Variants in FOXJ1 observed in about 807,000 individuals in gnomAD.
FOXJ1 encodes forkhead box J1, also known as forkhead box protein J1.
In FOXJ1, 8 loss-of-function variants were observed where a neutral mutation model predicts 29.3. That is an observed-to-expected ratio of 0.27 (90% CI 0.16 to 0.49). The LOEUF (loss-of-function observed/expected upper bound fraction) is 0.49, where lower values mean the gene tolerates loss of function less well. Ranked by LOEUF, FOXJ1 falls within the 20% of genes least tolerant of loss-of-function variation. The pLI, the probability that FOXJ1 is intolerant of heterozygous loss-of-function variation, is 0.98. For synonymous variants in FOXJ1, 280 were observed against 278.7 expected, an observed-to-expected ratio of 1.00 and a Z score of -0.05; for missense variants, 539 against 595.5, an observed-to-expected ratio of 0.91 and a Z score of 0.99.
At position 76,140,458 on chromosome 17, in the gene FOXJ1, G is replaced by A; in HGVS notation, c.-63C>T. The A allele has an allele frequency of 4.5e-6, 6 of 1,338,912 alleles. No homozygotes were observed. Among genetic ancestry groups the A allele is most frequent in the Admixed American group, 3.9e-5 (1 of 25,854 alleles). The allele number at this position is 1,338,912 out of a possible 1,614,324, so 82.9% of individuals were successfully genotyped here. A position where few individuals can be genotyped will look rare whatever the true frequency, so the allele number is the denominator to read the frequency against. On this transcript the variant is annotated 5_prime_UTR_variant, in exon 2 of 3. Transcript: ENST00000322957. The surrounding 1 kb of genome is among the most constrained non-coding windows in gnomAD (Gnocchi z 8.0). ...CGGGCTGAGCCGGGGGTGGCCCGCC[G>A]CGCTCTCTGGCCCGCTGAGTCCCGC...
In FOXJ1 at chr17:76,140,117, C is replaced by T. The variant is rs375734395; in HGVS notation, c.279G>A (p.Ser93=). The T allele has an allele frequency of 8.5e-5, 136 of 1,590,782 alleles. 1 individual carries two copies. The highest frequency in any genetic ancestry group is 1.0e-4 in the Non-Finnish European group (122 of 1,174,984). Residue 93 remains serine, a synonymous_variant, in exon 2 of 3, where the codon TCG becomes TCA. Transcript: ENST00000322957. This position sits in a 1 kb window ranked among gnomAD's most constrained non-coding sequence, Gnocchi z 8.0. ...GQPHTPGKPT[S]SCTSRSAPPG... Reference sequence around the variant, plus strand: ...GGGGCGCGCTCCGCGACGTGCACGACGACGTGGGCTTGCCCGGCGTGTGTG... The same window carrying T: ...GGGGCGCGCTCCGCGACGTGCACGATGACGTGGGCTTGCCCGGCGTGTGTG...
chr17:76,138,829 A>C (rs902878612), intron 2 of FOXJ1, among the ~76,000 whole-genome samples: 2 of 151,906 alleles, frequency 1.3e-5, no homozygotes, highest in Non-Finnish European at 2.9e-5. Context: ...GCTGCAAATG[A>C]CCCTGCTCTA....
In FOXJ1 at chr17:76,137,655, C is replaced by T. The variant is rs756020281; in HGVS notation, c.964G>A (p.Gly322Arg). The T allele has an allele frequency of 1.1e-4, 174 of 1,610,228 alleles. No individual in the cohort carries two copies. The highest frequency in any genetic ancestry group is 1.4e-4 in the Non-Finnish European group (161 of 1,178,848). ...EAIFDAGTLG[G>R]ELGALEALEL... ...AGGGCCTCCAGTGCACCCAGCTCCC[C>T]GCCCAGAGTGCCGGCGTCGAAGATG... The change falls in exon 3 of 3, where the codon GGG (glycine) becomes AGG (arginine). Residue 322 changes from glycine to arginine, a missense_variant. Physicochemically the swap from Gly to Arg is moderately radical, Grantham distance 125 (BLOSUM62 -2). This residue lies in a region of FOXJ1 where 302 missense variants were observed against 293.6 expected (regional missense o/e 1.03). Coordinates refer to ENST00000322957, the MANE Select transcript of FOXJ1 (RefSeq NM_001454.4). This position sits in a 1 kb window ranked among gnomAD's most constrained non-coding sequence, Gnocchi z 9.5.
chr17:76,141,042 G>A lies in FOXJ1; in HGVS notation c.-170+72C>T, dbSNP rs2144767076. The stretch of plus-strand genomic sequence containing the variant: ...TCCCTGGGCCCACCACTTCCGTTAA[G>A]GACGAATGAGAGAGCGGGTTGGTAC... On this transcript the variant is annotated intron_variant, in intron 1 of 2. Transcript: ENST00000322957. This position sits in a 1 kb window ranked among gnomAD's most constrained non-coding sequence, Gnocchi z 4.2. 6.6e-6 allele frequency: 1 copy of A among 152,586 alleles called. No homozygotes were observed. The highest frequency in any genetic ancestry group is 2.1e-4 in the South Asian group (1 of 4,844). The allele number at this position is 152,586 out of a possible 1,614,324, so 9.5% of individuals were successfully genotyped here.
intron 2 of FOXJ1, among the ~76,000 whole-genome samples, chr17:76,138,410 C>A (rs1324116597): frequency 6.6e-6 from 1 of 152,092 alleles, no homozygotes; most frequent in African/African-American, 2.4e-5. Flanking sequence ...CCACCCCCGT[C>A]GCCTGCCCTC....
In FOXJ1 at chr17:76,140,537, G is replaced by A; in HGVS notation, c.-142C>T. Reference sequence around the variant, plus strand: ...GCGCTTCCATCTCGCGACCCCGGGGGCGCCTCCTCCGAATAAGTATGTGGT... The same window carrying A: ...GCGCTTCCATCTCGCGACCCCGGGGACGCCTCCTCCGAATAAGTATGTGGT... On this transcript the variant is annotated 5_prime_UTR_variant, in exon 2 of 3. Transcript: ENST00000322957. The surrounding 1 kb of genome is among the most constrained non-coding windows in gnomAD (Gnocchi z 8.0). The A allele has an allele frequency of 1.4e-6, 1 of 739,802 alleles. No homozygotes were observed. The highest frequency in any genetic ancestry group is 2.2e-5 in the South Asian group (1 of 44,696). 45.8% of individuals were successfully genotyped at this position (739,802 alleles called of 1,614,324 possible).
chr17:76,140,743 T>G lies in FOXJ1; in HGVS notation c.-169-179A>C. ...CCATCAGATCTGCCTCCCTCTTCCT[T>G]TCCTCTTCGAGGTTTTATTAGCCAA... On this transcript the variant is annotated intron_variant, in intron 1 of 2. Coordinates refer to ENST00000322957, the MANE Select transcript of FOXJ1 (RefSeq NM_001454.4). This position sits in a 1 kb window ranked among gnomAD's most constrained non-coding sequence, Gnocchi z 8.0. 2 of 245,368 alleles carry G rather than the reference T, an allele frequency of 8.2e-6. No homozygotes were observed. The highest frequency in any genetic ancestry group is 7.8e-6 in the Non-Finnish European group (1 of 128,848). The allele number at this position is 245,368 out of a possible 1,614,324, so 15.2% of individuals were successfully genotyped here. A position where few individuals can be genotyped will look rare whatever the true frequency, so the allele number is the denominator to read the frequency against.
At position 76,139,832 on chromosome 17, in the gene FOXJ1, T is replaced by G; in HGVS notation, c.498+66A>C. On this transcript the variant is annotated intron_variant, in intron 2 of 2. Coordinates refer to ENST00000322957, the MANE Select transcript of FOXJ1 (RefSeq NM_001454.4). The surrounding 1 kb of genome is among the most constrained non-coding windows in gnomAD (Gnocchi z 6.6). ...TTGGCCTGCAGATTTGGGATATGAA[T>G]CCAGTGCAGCGTGGGGAGCGAGGAG... is the stretch of plus-strand genomic sequence containing the variant. The G allele has an allele frequency of 6.6e-7, 1 of 1,523,006 alleles. No individual in the cohort carries two copies. The highest frequency in any genetic ancestry group is 8.9e-7 in the Non-Finnish European group (1 of 1,125,600). 94.3% of individuals were successfully genotyped at this position (1,523,006 alleles called of 1,614,324 possible).
rs181143622 is a variant in FOXJ1, at chr17:76,137,887, A to G, written c.732T>C (p.Asn244=). Residue 244 remains asparagine, a synonymous_variant, in exon 3 of 3, where the codon AAT becomes AAC. Coordinates refer to ENST00000322957, the MANE Select transcript of FOXJ1 (RefSeq NM_001454.4). The surrounding 1 kb of genome is among the most constrained non-coding windows in gnomAD (Gnocchi z 9.5). ...AVPRAGPLTV[N]TEAQQLLREF... ...CCCGCAGCAGCTGCTGGGCCTCGGT[A>G]TTCACCGTCAGCGGCCCGGCCCGGG... 2,988 of 1,576,468 alleles carry G rather than the reference A, an allele frequency of 1.9e-3. 6 individuals are homozygous for G. The highest frequency in any genetic ancestry group is 2.4e-3 in the Non-Finnish European group (2,782 of 1,161,116).
Position 76,140,171 on chromosome 17 carries a change from C to G in FOXJ1, c.225G>C (p.Leu75=). The part of the protein sequence containing the change: ...VPGSAAPGSP[L]AADPACLGQP... ...GCCCCAGGCAGGCGGGGTCGGCCGC[C>G]AGGGGGGACCCGGGCGCCGCTGAAC... Residue 75 remains leucine, a synonymous_variant, in exon 2 of 3, where the codon CTG becomes CTC. Coordinates refer to ENST00000322957, the MANE Select transcript of FOXJ1 (RefSeq NM_001454.4). This position sits in a 1 kb window ranked among gnomAD's most constrained non-coding sequence, Gnocchi z 8.0. 1 of 1,465,080 alleles carries G rather than the reference C, an allele frequency of 6.8e-7. No homozygotes were observed. Among genetic ancestry groups the G allele is most frequent in the Non-Finnish European group, 8.9e-7 (1 of 1,121,222 alleles). 90.8% of individuals were successfully genotyped at this position (1,465,080 alleles called of 1,614,324 possible).
In FOXJ1 at chr17:76,140,230, C is replaced by T. The variant is rs1470674143; in HGVS notation, c.166G>A (p.Gly56Ser). Residue 56 changes from glycine (G) to serine (S), a missense_variant, in exon 2 of 3, where the codon GGC becomes AGC. By Grantham distance (56) the Gly-to-Ser change is moderately conservative. Transcript: ENST00000322957. The surrounding 1 kb of genome is among the most constrained non-coding windows in gnomAD (Gnocchi z 8.0). ...NAKAPALPPGGTDPHGYHQVP... is the reference protein window; with the variant it reads ...NAKAPALPPGSTDPHGYHQVP... ...TGGTGGTAGCCGTGGGGGTCGGTGC[C>T]CCCCGGGGGCAGGGCGGGGGCCTTG... is the stretch of plus-strand genomic sequence containing the variant. 14 of 1,455,850 alleles carry T rather than the reference C, an allele frequency of 9.6e-6. No homozygotes were observed. The highest frequency in any genetic ancestry group is 2.6e-5 in the East Asian group (1 of 37,998). The allele number at this position is 1,455,850 out of a possible 1,614,324, so 90.2% of individuals were successfully genotyped here.
Position 76,137,150 on chromosome 17 carries a change from T to G in FOXJ1, c.*203A>C. The G allele has an allele frequency of 2.1e-6, 1 of 476,036 alleles. No homozygotes were observed. The highest frequency in any genetic ancestry group is 3.7e-6 in the Non-Finnish European group (1 of 273,494). 29.5% of individuals were successfully genotyped at this position (476,036 alleles called of 1,614,324 possible). ...TGGGGCTGGGGAGAGGAGGCAGCGATTCTGGTCCTGGGCCCTCGTTTTCAG... is the reference window on the plus strand; with the variant it reads ...TGGGGCTGGGGAGAGGAGGCAGCGAGTCTGGTCCTGGGCCCTCGTTTTCAG... On this transcript the variant is annotated 3_prime_UTR_variant, in exon 3 of 3. Coordinates refer to ENST00000322957, the MANE Select transcript of FOXJ1 (RefSeq NM_001454.4). The surrounding 1 kb of genome is among the most constrained non-coding windows in gnomAD (Gnocchi z 9.5).
Position 76,139,757 on chromosome 17 carries a change from C to G in FOXJ1, c.498+141G>C, listed in dbSNP as rs951850782. Reference sequence around the variant, plus strand: ...AGGAGGGGCAGTTGCAAGAACTGGGCTCCTTTGCAGGGCTCCCTTCTGGGG... The same window carrying G: ...AGGAGGGGCAGTTGCAAGAACTGGGGTCCTTTGCAGGGCTCCCTTCTGGGG... On this transcript the variant is annotated intron_variant, in intron 2 of 2. Transcript: ENST00000322957. This position sits in a 1 kb window ranked among gnomAD's most constrained non-coding sequence, Gnocchi z 6.6. 3 of 811,684 alleles carry G rather than the reference C, an allele frequency of 3.7e-6. No individual in the cohort carries two copies. Among genetic ancestry groups the G allele is most frequent in the East Asian group, 2.7e-5 (1 of 37,014 alleles). The allele number at this position is 811,684 out of a possible 1,614,324, so 50.3% of individuals were successfully genotyped here.
chr17:76,137,325 G>A lies in FOXJ1; in HGVS notation c.*28C>T. ...AGTTCTGGACCCTGACTTGGGCACT[G>A]TCCAGAGGTGGGGCAGGGCCTGGCC... On this transcript the variant is annotated 3_prime_UTR_variant, in exon 3 of 3. Transcript: ENST00000322957. This position sits in a 1 kb window ranked among gnomAD's most constrained non-coding sequence, Gnocchi z 9.5. 2 of 1,462,894 alleles carry A rather than the reference G, an allele frequency of 1.4e-6. No individual in the cohort carries two copies. Among genetic ancestry groups the A allele is most frequent in the Admixed American group, 2.4e-5 (1 of 42,364 alleles). The allele number at this position is 1,462,894 out of a possible 1,614,324, so 90.6% of individuals were successfully genotyped here.
In FOXJ1 at chr17:76,139,982, C is replaced by T; in HGVS notation, c.414G>A (p.Lys138=). The part of the protein sequence containing the change: ...TLICMAMQAS[K]ATKITLSAIY... ...TGGCCGACAGGGTGATCTTGGTGGC[C>T]TTGCTGGCCTGCATGGCCATGCAGA... Residue 138 remains lysine, a synonymous_variant, in exon 2 of 3, where the codon AAG becomes AAA. Coordinates refer to ENST00000322957, the MANE Select transcript of FOXJ1 (RefSeq NM_001454.4). This position sits in a 1 kb window ranked among gnomAD's most constrained non-coding sequence, Gnocchi z 6.6. 1 of 1,613,784 alleles carries T rather than the reference C, an allele frequency of 6.2e-7. No individual in the cohort carries two copies. Among genetic ancestry groups the T allele is most frequent in the Non-Finnish European group, 8.5e-7 (1 of 1,179,960 alleles).
chr17:76,137,466 G>A lies in FOXJ1; in HGVS notation c.1153C>T (p.Pro385Ser). The A allele has an allele frequency of 6.4e-7, 1 of 1,566,624 alleles. No homozygotes were observed. Among genetic ancestry groups the A allele is most frequent in the Non-Finnish European group, 8.6e-7 (1 of 1,158,192 alleles). ...TFLATSFLQH[P>S]WDESGSGCLP... ...CAGCCACTGCCGCTCTCGTCCCAGG[G>A]GTGCTGCAGGAAGGATGTGGCCAGG... The change falls in exon 3 of 3, where the codon CCC becomes TCC. Residue 385 changes from proline (P) to serine (S), a missense_variant. This residue lies in a region of FOXJ1 where 302 missense variants were observed against 293.6 expected (regional missense o/e 1.03). Transcript: ENST00000322957. This position sits in a 1 kb window ranked among gnomAD's most constrained non-coding sequence, Gnocchi z 9.5.
In FOXJ1 at chr17:76,139,670, C is replaced by A. The variant is rs1040416426; in HGVS notation, c.498+228G>T. On this transcript the variant is annotated intron_variant, in intron 2 of 2. Transcript: ENST00000322957. This position sits in a 1 kb window ranked among gnomAD's most constrained non-coding sequence, Gnocchi z 6.6. ...TTCCCCTTGAATCTCAGCCTCTGCA[C>A]CCCTAAAGCCCTCCACCTCTGGACA... 2.6e-5 allele frequency among the ~76,000 whole-genome samples: 4 copies of A among 152,196 alleles called. No individual in the cohort carries two copies. Among genetic ancestry groups the A allele is most frequent in the Admixed American group, 6.5e-5 (1 of 15,284 alleles).
In FOXJ1 at chr17:76,140,408, T is replaced by C. The variant is rs1170782120; in HGVS notation, c.-13A>G. On this transcript the variant is annotated 5_prime_UTR_variant, in exon 2 of 3. Coordinates refer to ENST00000322957, the MANE Select transcript of FOXJ1 (RefSeq NM_001454.4). The surrounding 1 kb of genome is among the most constrained non-coding windows in gnomAD (Gnocchi z 8.0). ...AGCTCTCCGCCATGTCTGCGGGGAC[T>C]CTCCGAGGGGGCGGTCAGCATCCAC... 5.6e-6 allele frequency: 8 copies of C among 1,430,242 alleles called. No individual in the cohort carries two copies. The highest frequency in any genetic ancestry group is 7.3e-6 in the Non-Finnish European group (8 of 1,102,706). The allele number at this position is 1,430,242 out of a possible 1,614,324, so 88.6% of individuals were successfully genotyped here.
In FOXJ1 at chr17:76,137,354, T is replaced by C; in HGVS notation, c.1265A>G (p.Ter422=). 2 of 1,483,270 alleles carry C rather than the reference T, an allele frequency of 1.3e-6. No homozygotes were observed. The highest frequency in any genetic ancestry group is 1.8e-6 in the Non-Finnish European group (2 of 1,118,744). 91.9% of individuals were successfully genotyped at this position (1,483,270 alleles called of 1,614,324 possible). A position where few individuals can be genotyped will look rare whatever the true frequency, so the allele number is the denominator to read the frequency against. The change falls in exon 3 of 3, where the codon TAA becomes TGA. Residue 422 remains the stop codon, a stop_retained_variant. Coordinates refer to ENST00000322957, the MANE Select transcript of FOXJ1 (RefSeq NM_001454.4). The surrounding 1 kb of genome is among the most constrained non-coding windows in gnomAD (Gnocchi z 9.5). ...QDWASVGAFL[*] ...AGAGGTGGGGCAGGGCCTGGCCTCT[T>C]ACAAGAAGGCCCCCACGCTGGCCCA...
Sources: allele counts gnomAD v4.1 joint callset (sites outside exome capture counted in the v4.1 genomes callset), GRCh38; gene constraint gnomAD v4.1.1; regional missense constraint gnomAD v4.1.1; non-coding constraint Gnocchi (gnomAD v3.1); transcripts MANE v1.5; gene names NCBI Gene and HGNC (gene_info 2026-07-23, HGNC 2026-07-21).